PPP2R1A: variants seen among roughly 807,000 people sequenced by gnomAD.
The protein encoded by PPP2R1A is serine/threonine-protein phosphatase 2A 65 kDa regulatory subunit A alpha isoform.
Under a neutral mutation model 67.1 loss-of-function variants are expected in PPP2R1A, and 15 were observed. The ratio of observed to expected loss-of-function variants is 0.22; its 90% confidence interval spans 0.15 to 0.34. The LOEUF (loss-of-function observed/expected upper bound fraction) is 0.34. Ranked by LOEUF, PPP2R1A falls within the 10% of genes least tolerant of loss-of-function variation. PPP2R1A has a pLI of 1.00. For missense variants in PPP2R1A, 369 were observed against 775.0 expected (o/e 0.48, Z 6.22); for synonymous variants, 337 against 325.0 (o/e 1.04, Z -0.40).
Position 52,213,042 on chromosome 19 carries a change from A to G in PPP2R1A, c.739A>G (p.Thr247Ala). The G allele has an allele frequency of 6.2e-7, 1 of 1,610,866 alleles. No homozygotes were observed. Among genetic ancestry groups the G allele is most frequent in the Non-Finnish European group, 8.5e-7 (1 of 1,179,334 alleles). The change falls in exon 6 of 15, where the codon ACT becomes GCT. Residue 247 changes from threonine to alanine, a missense_variant. Coordinates refer to ENST00000322088, the MANE Select transcript of PPP2R1A (RefSeq NM_014225.6). The surrounding 1 kb of genome is among the most constrained non-coding windows in gnomAD (Gnocchi z 4.2). ...GGATCTGGAGGCCCTGGTGATGCCC[A>G]CTCTGCGCCAGGCCGCTGAAGACAA... The part of the protein sequence containing the change: ...QEDLEALVMP[T>A]LRQAAEDKSW...
At position 52,220,170 on chromosome 19, in the gene PPP2R1A, C is replaced by T. The variant is rs986319059; in HGVS notation, c.1303-19C>T. On this transcript the variant is annotated intron_variant, in intron 10 of 14. Coordinates refer to ENST00000322088, the MANE Select transcript of PPP2R1A (RefSeq NM_014225.6). ...CTCTCCTGGAACGCTTACCTTGGAA[C>T]CCTTGGTTTCTCCTGTAGGGAGTGG... The T allele has an allele frequency of 2.7e-5, 43 of 1,613,100 alleles. No individual in the cohort carries two copies. Among genetic ancestry groups the T allele is most frequent in the Non-Finnish European group, 3.4e-5 (40 of 1,179,244 alleles).
chr19:52,197,218 A>G (rs989441753), intron 1 of PPP2R1A, among the ~76,000 whole-genome samples: 5 of 152,234 alleles, frequency 3.3e-5, no homozygotes, highest in African/African-American at 9.6e-5. Context: ...TAGCGTTAGC[A>G]AAACCTGTGA....
At chr19:52,224,755 A>G (rs1049333348) in intron 13 of PPP2R1A, among the ~76,000 whole-genome samples, 3 of 152,166 alleles carry the variant, frequency 2.0e-5, no homozygotes, top group Non-Finnish European at 2.9e-5. Context: ...ACTGGAGTAC[A>G]GTGGTGCGAT....
chr19:52,202,487 G>T (rs1263765250), intron 2 of PPP2R1A, among the ~76,000 whole-genome samples: 2 of 152,198 alleles, frequency 1.3e-5, no homozygotes, highest in Non-Finnish European at 2.9e-5. Context: ...AAAGTGTTTA[G>T]AAAGCTGCCT....
rs779419476 is a variant in PPP2R1A at position 52,190,059 on chromosome 19, C to G, written c.-38C>G. The G allele has an allele frequency of 2.0e-6, 3 of 1,534,650 alleles. No homozygotes were observed. Among genetic ancestry groups the G allele is most frequent in the South Asian group, 1.2e-5 (1 of 83,040 alleles). ...TTGCCCCCCCCACGTTTCAGCACAG[C>G]GCTGGCCGCAGTCTGACAGGAAAGG... On this transcript the variant is annotated 5_prime_UTR_variant, in exon 1 of 15. Coordinates refer to ENST00000322088, the MANE Select transcript of PPP2R1A (RefSeq NM_014225.6).
chr19:52,220,063 C>G (rs973158451), intron 10 of PPP2R1A, 126 bp from the exon 11 acceptor site: 1 of 1,268,600 alleles, frequency 7.9e-7, no homozygotes, highest in African/African-American at 1.5e-5. Context: ...AAAGGAGCAC[C>G]TCAGACAAAG....
At chr19:52,196,143 A>ATACCCTAT (rs1455314752) in intron 1 of PPP2R1A, among the ~76,000 whole-genome samples, 3 of 152,142 alleles carry the variant, frequency 2.0e-5, no homozygotes, top group Non-Finnish European at 4.4e-5. Context: ...CAGTATCACA[A>ATACCCTAT]CTGTAGCAGG....
In PPP2R1A at chr19:52,212,637, T is replaced by C. The variant is rs2122333716; in HGVS notation, c.504-49T>C. 1 of 1,598,686 alleles carries C rather than the reference T, an allele frequency of 6.3e-7. No individual in the cohort carries two copies. Among genetic ancestry groups the C allele is most frequent in the Non-Finnish European group, 8.5e-7 (1 of 1,176,884 alleles). Reference sequence around the variant, plus strand: ...CAACTGCAGAGTCTGTGCTTGCTCCTCTCTGCCATACTGCCTGCTGCCTCA... The same window carrying C: ...CAACTGCAGAGTCTGTGCTTGCTCCCCTCTGCCATACTGCCTGCTGCCTCA... On this transcript the variant is annotated intron_variant, in intron 4 of 14. Coordinates refer to ENST00000322088, the MANE Select transcript of PPP2R1A (RefSeq NM_014225.6). The surrounding 1 kb of genome is among the most constrained non-coding windows in gnomAD (Gnocchi z 4.1).
At chr19:52,225,620 T>G in intron 13 of PPP2R1A, 97 bp from the exon 14 acceptor site, 2 of 1,093,658 alleles carry the variant, frequency 1.8e-6, no homozygotes, top group Non-Finnish European at 2.8e-6. Flanking sequence ...TGTATCCGTG[T>G]CTGTGTACAC....
intron 1 of PPP2R1A, among the ~76,000 whole-genome samples, chr19:52,193,270 G>T (rs2054858347): frequency 6.6e-6 from 1 of 152,242 alleles, no homozygotes; most frequent in African/African-American, 2.4e-5. Flanking sequence ...CACGGTTGCT[G>T]ATTATATTCA....
At position 52,213,466 on chromosome 19, in the gene PPP2R1A, T is replaced by G. The variant is rs1416728537; in HGVS notation, c.807+356T>G. ...GGTGGGGTTTTTTGGTGTTTTTTTT[T>G]TTTTTTTTTTTTTTTTTTTTTAAGA... is the stretch of plus-strand genomic sequence containing the variant. On this transcript the variant is annotated intron_variant, in intron 6 of 14. Transcript: ENST00000322088. This position sits in a 1 kb window ranked among gnomAD's most constrained non-coding sequence, Gnocchi z 4.2. 1.8e-5 allele frequency among the ~76,000 whole-genome samples: 2 copies of G among 108,356 alleles called. No individual in the cohort carries two copies. The allele number at this position is 108,356 out of a possible 152,430, so 71.1% of individuals were successfully genotyped here.
rs1246272399 is a variant in PPP2R1A at position 52,213,465 on chromosome 19, T to G, written c.807+355T>G. ...AGGTGGGGTTTTTTGGTGTTTTTTT[T>G]TTTTTTTTTTTTTTTTTTTTTTAAG... On this transcript the variant is annotated intron_variant, in intron 6 of 14. Coordinates refer to ENST00000322088, the MANE Select transcript of PPP2R1A (RefSeq NM_014225.6). This position sits in a 1 kb window ranked among gnomAD's most constrained non-coding sequence, Gnocchi z 4.2. Among the ~76,000 whole-genome samples, 1 of 107,698 alleles carries G rather than the reference T, an allele frequency of 9.3e-6. No individual in the cohort carries two copies. The highest frequency in any genetic ancestry group is 1.9e-5 in the Non-Finnish European group (1 of 53,404). The allele number at this position is 107,698 out of a possible 152,430, so 70.7% of individuals were successfully genotyped here.
rs1978587968 is a variant in PPP2R1A, at chr19:52,216,576, A to G, written c.1041A>G (p.Ser347=). 2.5e-6 allele frequency: 4 copies of G among 1,614,036 alleles called. No individual in the cohort carries two copies. The highest frequency in any genetic ancestry group is 1.7e-6 in the Non-Finnish European group (2 of 1,180,046). The change falls in exon 9 of 15, where the codon TCA becomes TCG. Residue 347 remains serine (S), a synonymous_variant. Transcript: ENST00000322088. This position sits in a 1 kb window ranked among gnomAD's most constrained non-coding sequence, Gnocchi z 4.3. The part of the protein sequence containing the change: ...ANQHVKSALA[S]VIMGLSPILG... ...AACATGTCAAGTCTGCCCTGGCCTC[A>G]GTCATCATGGGTCTCTCTCCCATCT...
chr19:52,220,863 A>T (rs933911491), intron 11 of PPP2R1A, 116 bp from the exon 12 acceptor site: 11 of 1,260,038 alleles, frequency 8.7e-6, no homozygotes, highest in Non-Finnish European at 1.1e-5. Context: ...TTTGGCTCAC[A>T]TGCAGCCTGG....
At chr19:52,197,988 G>A (rs1364606617) in intron 1 of PPP2R1A, among the ~76,000 whole-genome samples, 1 of 152,236 alleles carries the variant, frequency 6.6e-6, no homozygotes, top group Admixed American at 6.5e-5. Context: ...CTGCCACGAT[G>A]TCCTTCTTAA....
Position 52,211,173 on chromosome 19 carries a change from T to G in PPP2R1A, c.271-87T>G. 1.0e-5 allele frequency: 13 copies of G among 1,273,766 alleles called. No homozygotes were observed. The highest frequency in any genetic ancestry group is 1.5e-5 in the African/African-American group (1 of 67,418). The allele number at this position is 1,273,766 out of a possible 1,614,324, so 78.9% of individuals were successfully genotyped here. A position where few individuals can be genotyped will look rare whatever the true frequency, so the allele number is the denominator to read the frequency against. ...AATAGGGAAGTTTTCTCTGAGGAGA[T>G]GAGCCCATGATGGGGTGCAGGATGG... On this transcript the variant is annotated intron_variant, in intron 3 of 14. Transcript: ENST00000322088. The surrounding 1 kb of genome is among the most constrained non-coding windows in gnomAD (Gnocchi z 5.3).
Position 52,216,712 on chromosome 19 carries a change from G to T in PPP2R1A, c.1128+49G>T, listed in dbSNP as rs1978595076. On this transcript the variant is annotated intron_variant, in intron 9 of 14. Coordinates refer to ENST00000322088, the MANE Select transcript of PPP2R1A (RefSeq NM_014225.6). This position sits in a 1 kb window ranked among gnomAD's most constrained non-coding sequence, Gnocchi z 4.3. ...CTGGGTTTGTGGAGGGGACAGGCGG[G>T]TCTTCCTAGATTGCTAGGGTTTACC... 7 of 1,613,176 alleles carry T rather than the reference G, an allele frequency of 4.3e-6. No individual in the cohort carries two copies. The highest frequency in any genetic ancestry group is 5.9e-6 in the Non-Finnish European group (7 of 1,179,424).
intron 12 of PPP2R1A, among the ~76,000 whole-genome samples, chr19:52,221,488 T>C (rs377599293): frequency 2.0e-4 from 31 of 152,302 alleles, no homozygotes; most frequent in Admixed American, 5.2e-4. Flanking sequence ...AGGTCAGACC[T>C]AGTTTTAAAT....
In PPP2R1A at chr19:52,211,427, G is replaced by A. The variant is rs767340233; in HGVS notation, c.438G>A (p.Ser146=). The change falls in exon 4 of 15, where the codon TCG becomes TCA. Residue 146 remains serine, a synonymous_variant. Coordinates refer to ENST00000322088, the MANE Select transcript of PPP2R1A (RefSeq NM_014225.6). The surrounding 1 kb of genome is among the most constrained non-coding windows in gnomAD (Gnocchi z 5.3). ...GCGACTGGTTCACCTCCCGCACCTC[G>A]GCCTGCGGCCTCTTCTCCGTCTGCT... is the stretch of plus-strand genomic sequence containing the variant. The part of the protein sequence containing the change: ...AGGDWFTSRT[S]ACGLFSVCYP... 38 of 1,613,540 alleles carry A rather than the reference G, an allele frequency of 2.4e-5. No homozygotes were observed. The highest frequency in any genetic ancestry group is 2.9e-5 in the Non-Finnish European group (34 of 1,180,022).
Sources: gnomAD v4.1 joint callset for allele counts (sites outside exome capture counted in the v4.1 genomes callset) on GRCh38, gnomAD v4.1.1 for gene constraint, Gnocchi (gnomAD v3.1) non-coding constraint, MANE v1.5 for transcripts, NCBI Gene and HGNC (gene_info 2026-07-23, HGNC 2026-07-21) for gene names.